The following CHN1 variants were observed in gnomAD, a reference collection of about 807,000 sequenced individuals.
CHN1 encodes N-chimaerin.
Under a neutral mutation model 59.5 loss-of-function variants are expected in CHN1, and 37 were observed. The ratio of observed to expected loss-of-function variants is 0.62; its 90% confidence interval spans 0.48 to 0.82. CHN1 has a LOEUF of 0.82. CHN1 is among the 40% of genes least tolerant of loss of function. The probability of loss-of-function intolerance (pLI) is 0.00; values close to 1 mark genes in which losing one functional copy is unlikely to be tolerated. For missense variants in CHN1, 469 were observed against 571.0 expected, an observed-to-expected ratio of 0.82 and a Z score of 1.82; for synonymous variants, 206 against 200.4, an observed-to-expected ratio of 1.03 and a Z score of -0.24.
Position 174,944,978 on chromosome 2 carries a change from C to T in CHN1, c.59-35G>A, listed in dbSNP as rs1209168819. Reference sequence around the variant, plus strand: ...GGTAGAAACAAAAAGTGTCAATGTCCCTTACATAGAACTTATCAATATATT... The same window carrying T: ...GGTAGAAACAAAAAGTGTCAATGTCTCTTACATAGAACTTATCAATATATT... On this transcript the variant is annotated intron_variant, in intron 2 of 12. Coordinates refer to ENST00000409900, the MANE Select transcript of CHN1 (RefSeq NM_001822.7). 1.0e-5 allele frequency: 15 copies of T among 1,459,856 alleles called. No individual in the cohort carries two copies. The African/African-American group carries it at 2.0e-4, about 19-fold the overall frequency. 90.4% of individuals were successfully genotyped at this position (1,459,856 alleles called of 1,614,324 possible). A position where few individuals can be genotyped will look rare whatever the true frequency, so the allele number is the denominator to read the frequency against.
At chr2:174,905,750 G>C (rs1409456771) in intron 5 of CHN1, among the ~76,000 whole-genome samples, 2 of 152,014 alleles carry the variant, frequency 1.3e-5, no homozygotes. Flanking sequence ...AGTAGAGACA[G>C]GGTTTCACCG....
At chr2:174,943,764 G>C (rs1019199403) in intron 3 of CHN1, among the ~76,000 whole-genome samples, 10 of 151,856 alleles carry the variant, frequency 6.6e-5, no homozygotes, top group Non-Finnish European at 7.4e-5. Flanking sequence ...TATTTTACCA[G>C]TCTCTGGTTT....
intron 5 of CHN1, among the ~76,000 whole-genome samples, chr2:174,894,969 T>C (rs944094248): frequency 6.6e-6 from 1 of 151,984 alleles, no homozygotes; most frequent in East Asian, 1.9e-4. Flanking sequence ...ATATCCATTT[T>C]GTATAAGCTA....
intron 6 of CHN1, among the ~76,000 whole-genome samples, chr2:174,860,391 A>G (rs1048637261): frequency 3.9e-5 from 6 of 152,180 alleles, no homozygotes; most frequent in Non-Finnish European, 8.8e-5. Context: ...TATCTTTAAA[A>G]GAATATAATG....
At chr2:174,961,486 G>A (rs1574216794) in intron 1 of CHN1, among the ~76,000 whole-genome samples, 1 of 151,884 alleles carries the variant, frequency 6.6e-6, no homozygotes, top group Non-Finnish European at 1.5e-5. Flanking sequence ...AGCTACTCGG[G>A]AGGCTGAGGC....
At chr2:174,844,579 G>T (rs1434095335) in intron 7 of CHN1, among the ~76,000 whole-genome samples, 1 of 152,102 alleles carries the variant, frequency 6.6e-6, no homozygotes, top group Admixed American at 6.6e-5. Context: ...AAATGCTACG[G>T]TTTTTCCCCA....
intron 5 of CHN1, among the ~76,000 whole-genome samples, chr2:174,913,090 C>T (rs1688746927): frequency 6.6e-6 from 1 of 152,154 alleles, no homozygotes; most frequent in South Asian, 2.1e-4. Flanking sequence ...AATCCTTAGC[C>T]TTCAAGTATT....
At chr2:174,883,566 C>G (rs140261269) in intron 5 of CHN1, among the ~76,000 whole-genome samples, 26 of 152,208 alleles carry the variant, frequency 1.7e-4, no homozygotes, top group Middle Eastern at 3.4e-3. Context: ...ACTAGCCAGC[C>G]TTTTAGGGTC....
At chr2:174,881,728 G>A (rs1459986533) in intron 5 of CHN1, among the ~76,000 whole-genome samples, 2 of 152,216 alleles carry the variant, frequency 1.3e-5, no homozygotes, top group African/African-American at 4.8e-5. Context: ...TTACTTTACA[G>A]TTAACAAAAG....
At chr2:174,846,114 G>T (rs1259247884) in intron 7 of CHN1, among the ~76,000 whole-genome samples, 1 of 152,106 alleles carries the variant, frequency 6.6e-6, no homozygotes, top group African/African-American at 2.4e-5. Context: ...ATGTAACTGG[G>T]TCTACTTATG....
chr2:174,828,973 A>G (rs1685782799), intron 7 of CHN1, among the ~76,000 whole-genome samples: 1 of 152,222 alleles, frequency 6.6e-6, no homozygotes, highest in Non-Finnish European at 1.5e-5. Context: ...TCCCAAGAAA[A>G]GCAACCTTGT....
At chr2:174,995,858 A>G (rs1691690168) in intron 1 of CHN1, among the ~76,000 whole-genome samples, 1 of 152,206 alleles carries the variant, frequency 6.6e-6, no homozygotes, top group African/African-American at 2.4e-5. Flanking sequence ...CCATTTTAGC[A>G]GTATCACAGT....
At position 174,799,973 on chromosome 2, in the gene CHN1, AAAC is replaced by A; in HGVS notation, c.*140_*142del. On this transcript the variant is annotated 3_prime_UTR_variant, in exon 13 of 13. Transcript: ENST00000409900. Reference sequence around the variant, plus strand: ...ACAAGACAGCTGAGCGGTGCTACAAAAACAACAGAAAGTTCCTTCACTTTAATC... The same window carrying A: ...ACAAGACAGCTGAGCGGTGCTACAAAAACAGAAAGTTCCTTCACTTTAATC... 1.2e-6 allele frequency: 1 copy of A among 802,960 alleles called. No individual in the cohort carries two copies. The highest frequency in any genetic ancestry group is 2.1e-6 in the Non-Finnish European group (1 of 479,964). 49.7% of individuals were successfully genotyped at this position (802,960 alleles called of 1,614,324 possible). A position where few individuals can be genotyped will look rare whatever the true frequency, so the allele number is the denominator to read the frequency against.
At chr2:174,889,237 T>C (rs548754209) in intron 5 of CHN1, among the ~76,000 whole-genome samples, 34 of 152,098 alleles carry the variant, frequency 2.2e-4, no homozygotes, top group Non-Finnish European at 3.8e-4. Flanking sequence ...GGTTTTCTCC[T>C]GTATGAAACC....
intron 3 of CHN1, among the ~76,000 whole-genome samples, chr2:174,923,966 T>A (rs1689091251): frequency 6.6e-6 from 1 of 152,232 alleles, no homozygotes; most frequent in Non-Finnish European, 1.5e-5. Flanking sequence ...TTTCCTGTAT[T>A]TTTATAATTG....
rs1353093016 is a variant in CHN1 at position 174,799,391 on chromosome 2, A to C, written c.*725T>G. On this transcript the variant is annotated 3_prime_UTR_variant, in exon 13 of 13. Coordinates refer to ENST00000409900, the MANE Select transcript of CHN1 (RefSeq NM_001822.7). ...TCTTATGAGAAAAAAGTAAGCTATC[A>C]ATATTTTTTATTTCTAAAAGCCAAT... is the stretch of plus-strand genomic sequence containing the variant. 4.7e-6 allele frequency: 2 copies of C among 429,254 alleles called. No homozygotes were observed. Among genetic ancestry groups the C allele is most frequent in the African/African-American group, 4.1e-5 (2 of 48,654 alleles). The allele number at this position is 429,254 out of a possible 1,614,324, so 26.6% of individuals were successfully genotyped here.
rs140911535 is a variant in CHN1 at position 174,858,677 on chromosome 2, A to C, written c.550-11720T>G. ...TATGAAATTCCTGTTAGTTCAAAGG[A>C]TCCTAATAAAACTAATAGAAAACTT... On this transcript the variant is annotated intron_variant, in intron 6 of 12. Coordinates refer to ENST00000409900, the MANE Select transcript of CHN1 (RefSeq NM_001822.7). Among the ~76,000 whole-genome samples, 57 of 152,254 alleles carry C rather than the reference A, an allele frequency of 3.7e-4. No individual in the cohort carries two copies. In the East Asian group the frequency reaches 9.8e-3, roughly 26 times the overall value.
intron 6 of CHN1, among the ~76,000 whole-genome samples, chr2:174,863,806 T>C (rs1261113441): frequency 2.6e-5 from 4 of 152,184 alleles, no homozygotes; most frequent in Admixed American, 1.3e-4. Flanking sequence ...AGGCTCCATG[T>C]TGATTATACT....
chr2:174,808,611 G>C (rs1485096714), intron 11 of CHN1, among the ~76,000 whole-genome samples: 1 of 151,146 alleles, frequency 6.6e-6, no homozygotes, highest in African/African-American at 2.4e-5. Flanking sequence ...TACTTTTCCA[G>C]TTATTCATTT....
Sources: allele counts gnomAD v4.1 joint callset (sites outside exome capture counted in the v4.1 genomes callset), GRCh38; gene constraint gnomAD v4.1.1; transcripts MANE v1.5; gene names NCBI Gene and HGNC (gene_info 2026-07-23, HGNC 2026-07-21).